ZFHX3: variants seen among roughly 807,000 people sequenced by gnomAD.
ZFHX3 encodes zinc finger homeobox protein 3.
Under a neutral mutation model 279.1 loss-of-function variants are expected in ZFHX3, and 42 were observed. That is an observed-to-expected ratio of 0.15 (90% CI 0.12 to 0.19). ZFHX3 has a LOEUF of 0.19. ZFHX3 is among the 10% of genes least tolerant of loss of function. The pLI is 1.00. For synonymous variants in ZFHX3, 2,293 were observed against 1,957.8 expected (o/e 1.17, Z -4.52); for missense variants, 4,981 against 4,754.0 (o/e 1.05, Z -1.40).
Position 73,278,715 on chromosome 16 carries a change from C to T in ZFHX3, c.-1193-21579G>A, listed in dbSNP as rs543668310. 5.3e-5 allele frequency among the ~76,000 whole-genome samples: 8 copies of T among 152,278 alleles called. No individual in the cohort carries two copies. The South Asian group carries it at 1.0e-3, about 20-fold the overall frequency. ...ACTTTTGGGATCTTGCTGATTGGTGCGTTTTACAGAGCACTGATTGGTGCA... is the reference window on the plus strand; with the variant it reads ...ACTTTTGGGATCTTGCTGATTGGTGTGTTTTACAGAGCACTGATTGGTGCA... On this transcript the variant is annotated intron_variant, in intron 4 of 17. Coordinates refer to the ZFHX3 transcript ENST00000641206.
At chr16:73,746,574 C>T (rs1171092033) in intron 1 of ZFHX3, among the ~76,000 whole-genome samples, 2 of 152,156 alleles carry the variant, frequency 1.3e-5, no homozygotes, top group African/African-American at 4.8e-5. Flanking sequence ...GACTTCTGTC[C>T]TGTGACGAGT....
intron 1 of ZFHX3, among the ~76,000 whole-genome samples, chr16:72,972,712 C>T (rs1177447709): frequency 6.6e-6 from 1 of 152,038 alleles, no homozygotes; most frequent in Non-Finnish European, 1.5e-5. Flanking sequence ...GTTCCTCCTC[C>T]TCTACTTTAA....
chr16:73,327,296 C>T (rs913350185), intron 3 of ZFHX3, among the ~76,000 whole-genome samples: 1 of 152,124 alleles, frequency 6.6e-6, no homozygotes, highest in Admixed American at 6.5e-5. Flanking sequence ...CATGACCTAC[C>T]ACAACTGCAG....
chr16:73,640,650 T>C (rs2052565300), intron 2 of ZFHX3, among the ~76,000 whole-genome samples: 1 of 151,984 alleles, frequency 6.6e-6, no homozygotes, highest in Non-Finnish European at 1.5e-5. Flanking sequence ...TCCCTAAAAG[T>C]ACAATGAAAA....
chr16:73,159,866 G>C (rs984029717), intron 5 of ZFHX3, among the ~76,000 whole-genome samples: 1 of 152,104 alleles, frequency 6.6e-6, no homozygotes, highest in Admixed American at 6.6e-5. Context: ...AGGTTCAAGC[G>C]ATTCTCCTGC....
chr16:73,073,963 C>T (rs780244850), intron 8 of ZFHX3, among the ~76,000 whole-genome samples: 49 of 152,306 alleles, frequency 3.2e-4, no homozygotes, highest in African/African-American at 3.1e-4. Flanking sequence ...ATTATGAGTA[C>T]GGAAGGGTAA....
chr16:73,572,183 A>AC (rs1335367462), intron 2 of ZFHX3, among the ~76,000 whole-genome samples: 2 of 151,262 alleles, frequency 1.3e-5, no homozygotes, highest in Non-Finnish European at 3.0e-5. Flanking sequence ...AAAAAAAAAA[A>AC]AAACTTTTTC....
chr16:73,274,092 T>A (rs1007595826), intron 4 of ZFHX3, among the ~76,000 whole-genome samples: 2 of 152,222 alleles, frequency 1.3e-5, no homozygotes, highest in South Asian at 4.1e-4. Flanking sequence ...TGCAGTGAGC[T>A]GAGATCACAC....
At chr16:72,890,274 G>A (rs1230500807) in intron 3 of ZFHX3, among the ~76,000 whole-genome samples, 1 of 152,178 alleles carries the variant, frequency 6.6e-6, no homozygotes. Flanking sequence ...TTTATAAGGG[G>A]CTTTTCCCTA....
At chr16:72,900,020 A>G (rs1170763217) in intron 3 of ZFHX3, among the ~76,000 whole-genome samples, 1 of 150,876 alleles carries the variant, frequency 6.6e-6, no homozygotes, top group Non-Finnish European at 1.5e-5. Flanking sequence ...ACATGGACAG[A>G]GGATACTGAA....
At chr16:72,841,547 TAA>T (rs2037346397) in intron 4 of ZFHX3, among the ~76,000 whole-genome samples, 1 of 152,184 alleles carries the variant, frequency 6.6e-6, no homozygotes, top group African/African-American at 2.4e-5. Context: ...TCTGTTTTTT[TAA>T]AGTTTGGATC....
intron 2 of ZFHX3, among the ~76,000 whole-genome samples, chr16:73,515,859 G>A (rs753186311): frequency 1.5e-4 from 23 of 152,144 alleles, no homozygotes; most frequent in Non-Finnish European, 2.8e-4. Context: ...CTGGACTGAT[G>A]GGCTAACTCA....
chr16:73,715,820 C>T (rs1264662107), intron 1 of ZFHX3, among the ~76,000 whole-genome samples: 1 of 151,982 alleles, frequency 6.6e-6, no homozygotes, highest in Non-Finnish European at 1.5e-5. Context: ...GATCCACCCA[C>T]CTCAGGCTCC....
At chr16:73,834,986 G>A (rs1387309006) in intron 1 of ZFHX3, among the ~76,000 whole-genome samples, 2 of 152,218 alleles carry the variant, frequency 1.3e-5, no homozygotes, top group Non-Finnish European at 2.9e-5. Context: ...AGTGTTTGTA[G>A]AACAGGGAAG....
intron 1 of ZFHX3, chr16:73,014,999 T>G (rs1407022011): frequency 1.3e-5 from 2 of 150,098 alleles, no homozygotes. Flanking sequence ...TCACCAAAAA[T>G]TAGGACCAAA....
chr16:73,616,126 G>A (rs987222195), intron 2 of ZFHX3, among the ~76,000 whole-genome samples: 2 of 151,942 alleles, frequency 1.3e-5, no homozygotes, highest in Admixed American at 1.3e-4. Flanking sequence ...GGGGCTCTCT[G>A]TTGTCAACTA....
chr16:73,733,803 T>C (rs2053588016), intron 1 of ZFHX3, among the ~76,000 whole-genome samples: 1 of 152,214 alleles, frequency 6.6e-6, no homozygotes, highest in Non-Finnish European at 1.5e-5. Context: ...TTGAAAAATT[T>C]GTATACAAGA....
intron 5 of ZFHX3, among the ~76,000 whole-genome samples, chr16:73,166,658 G>T (rs748285794): frequency 6.6e-6 from 1 of 152,156 alleles, no homozygotes; most frequent in Admixed American, 6.5e-5. Context: ...CTGATTTGGG[G>T]GAAACTCAAG....
At chr16:73,791,713 G>A (rs117377150) in intron 1 of ZFHX3, among the ~76,000 whole-genome samples, 42,610 of 152,094 alleles carry the variant, frequency 0.28, 6,670 homozygotes, top group South Asian at 0.45. Flanking sequence ...GTGAGCCACC[G>A]CACCCAGCCT....
Sources: gnomAD v4.1 joint callset for allele counts (sites outside exome capture counted in the v4.1 genomes callset) on GRCh38, gnomAD v4.1.1 for gene constraint, MANE v1.5 for transcripts, NCBI Gene and HGNC (gene_info 2026-07-23, HGNC 2026-07-21) for gene names.